The following SLC9A9 variants were observed in gnomAD, a reference collection of about 807,000 sequenced individuals.
SLC9A9 encodes the protein sodium/hydrogen exchanger 9.
SLC9A9 carries 62 observed loss-of-function variants against 77.8 expected under a neutral mutation model. The ratio of observed to expected loss-of-function variants is 0.80; its 90% CI spans 0.65 to 0.98. The LOEUF (loss-of-function observed/expected upper bound fraction) is 0.98. Among genes scored for constraint, SLC9A9 ranks in the 50% least tolerant of loss-of-function variants. The probability of loss-of-function intolerance (pLI) is 0.00; values close to 1 mark genes in which losing one functional copy is unlikely to be tolerated. For synonymous variants in SLC9A9, 320 were observed against 283.5 expected (o/e 1.13, Z -1.29); for missense variants, 775 against 774.9 (o/e 1.00, Z 0.00).
chr3:143,544,011 T>G (rs1173746257), intron 9 of SLC9A9, among the ~76,000 whole-genome samples: 1 of 151,446 alleles, frequency 6.6e-6, no homozygotes, highest in Non-Finnish European at 1.5e-5. Context: ...AGTGTATGAG[T>G]TCTCTTTTTC....
At chr3:143,618,669 C>T (rs2038148557) in intron 6 of SLC9A9, among the ~76,000 whole-genome samples, 1 of 152,160 alleles carries the variant, frequency 6.6e-6, no homozygotes, top group East Asian at 1.9e-4. Context: ...TCCTTGGATA[C>T]ACTACAGGGG....
chr3:143,552,303 G>T, intron 9 of SLC9A9, 59 bp downstream of exon 9: 2 of 1,245,782 alleles, frequency 1.6e-6, no homozygotes, highest in Non-Finnish European at 2.3e-6. Context: ...TGCCAGAATT[G>T]CTACATAACC....
chr3:143,491,132 G>A (rs996006039), intron 11 of SLC9A9, among the ~76,000 whole-genome samples: 2 of 152,158 alleles, frequency 1.3e-5, no homozygotes, highest in African/African-American at 2.4e-5. Flanking sequence ...AGATGATATG[G>A]ATGCTCAGTA....
chr3:143,808,501 A>G (rs1327152998), intron 2 of SLC9A9, among the ~76,000 whole-genome samples: 1 of 152,176 alleles, frequency 6.6e-6, no homozygotes, highest in Non-Finnish European at 1.5e-5. Context: ...TTGGCTTGTA[A>G]TTATCTTTTG....
chr3:143,441,326 G>A (rs11923840), intron 12 of SLC9A9, among the ~76,000 whole-genome samples: 5,631 of 152,300 alleles, frequency 0.037, 151 homozygotes, highest in Middle Eastern at 0.078. Flanking sequence ...ATGTGAAAAA[G>A]GGTGTGGAGC....
In SLC9A9 at chr3:143,478,748, C is replaced by T. The variant is rs1384695515; in HGVS notation, c.1316-11558G>A. Among the ~76,000 whole-genome samples, 3 of 152,204 alleles carry T rather than the reference C, an allele frequency of 2.0e-5. No individual in the cohort carries two copies. In the East Asian group the frequency reaches 5.8e-4, roughly 29 times the overall value. ...AGGGCAGAATTAGAGGGATTTGTGC[C>T]TGGCACAGATAGACTAATTTTTTGA... On this transcript the variant is annotated intron_variant, in intron 11 of 15. Coordinates refer to ENST00000316549, the MANE Select transcript of SLC9A9 (RefSeq NM_173653.4).
At chr3:143,395,705 G>A (rs11918108) in intron 12 of SLC9A9, among the ~76,000 whole-genome samples, 126,568 of 152,138 alleles carry the variant, frequency 0.83, 52,784 homozygotes, top group African/African-American at 0.86. Context: ...GTCATCTGAC[G>A]AAGGGCTAAT....
At chr3:143,498,066 T>C (rs1183289620) in intron 9 of SLC9A9, among the ~76,000 whole-genome samples, 1 of 152,238 alleles carries the variant, frequency 6.6e-6, no homozygotes, top group African/African-American at 2.4e-5. Flanking sequence ...TTCCTTTGAA[T>C]AACCTAGGAT....
chr3:143,448,526 T>C (rs2034886982), intron 12 of SLC9A9, among the ~76,000 whole-genome samples: 1 of 151,998 alleles, frequency 6.6e-6, no homozygotes, highest in Admixed American at 6.6e-5. Flanking sequence ...AGCATGCAAT[T>C]ATCATGGAGT....
chr3:143,266,076 G>T lies in SLC9A9; in HGVS notation c.*626C>A. 1 of 702,424 alleles carries T rather than the reference G, an allele frequency of 1.4e-6. No individual in the cohort carries two copies. The allele number at this position is 702,424 out of a possible 1,614,324, so 43.5% of individuals were successfully genotyped here. A position where few individuals can be genotyped will look rare whatever the true frequency, so the allele number is the denominator to read the frequency against. ...CCAGCCATAGGCAACCCCTTTGAGC[G>T]ATGGGAGAAGTAGCATAAGAAGGAT... On this transcript the variant is annotated 3_prime_UTR_variant, in exon 16 of 16. Coordinates refer to ENST00000316549, the MANE Select transcript of SLC9A9 (RefSeq NM_173653.4).
At chr3:143,577,165 C>G (rs1043738071) in intron 7 of SLC9A9, among the ~76,000 whole-genome samples, 2 of 152,104 alleles carry the variant, frequency 1.3e-5, no homozygotes, top group Non-Finnish European at 2.9e-5. Flanking sequence ...CCTTTGGCAG[C>G]TAATTGTGGA....
At chr3:143,812,788 C>T (rs2008903058) in intron 2 of SLC9A9, among the ~76,000 whole-genome samples, 1 of 152,178 alleles carries the variant, frequency 6.6e-6, no homozygotes, top group African/African-American at 2.4e-5. Flanking sequence ...GAAGTCAGAG[C>T]CATTAATGGC....
intron 2 of SLC9A9, among the ~76,000 whole-genome samples, chr3:143,819,174 T>C (rs1378446482): frequency 2.6e-5 from 4 of 152,124 alleles, no homozygotes; most frequent in Non-Finnish European, 1.5e-5. Context: ...GGGAGAACAA[T>C]GTAGAGAAAA....
At chr3:143,686,013 C>T (rs1034573778) in intron 5 of SLC9A9, among the ~76,000 whole-genome samples, 1 of 152,186 alleles carries the variant, frequency 6.6e-6, no homozygotes, top group African/African-American at 2.4e-5. Flanking sequence ...AGAAGTCCAG[C>T]TATGTGCTAG....
chr3:143,711,025 TTTGA>T (rs1377648580), intron 4 of SLC9A9, among the ~76,000 whole-genome samples: 2 of 152,244 alleles, frequency 1.3e-5, no homozygotes, highest in Non-Finnish European at 2.9e-5. Context: ...CTATTTACTC[TTTGA>T]TTGATGGTTT....
intron 11 of SLC9A9, among the ~76,000 whole-genome samples, chr3:143,475,301 T>C (rs1446791746): frequency 6.6e-6 from 1 of 151,398 alleles, no homozygotes; most frequent in African/African-American, 2.4e-5. Context: ...CCATCGGAAA[T>C]GATCTTGTTT....
intron 14 of SLC9A9, among the ~76,000 whole-genome samples, chr3:143,342,028 C>T (rs192408675): frequency 9.2e-5 from 14 of 152,222 alleles, no homozygotes; most frequent in South Asian, 4.1e-4. Flanking sequence ...ATGGGAATAC[C>T]GCATCACAGT....
chr3:143,741,296 G>A (rs1223494948), intron 4 of SLC9A9, among the ~76,000 whole-genome samples: 2 of 152,108 alleles, frequency 1.3e-5, no homozygotes, highest in Non-Finnish European at 2.9e-5. Context: ...ACCCCATTAT[G>A]TCAAAGGGGC....
chr3:143,736,013 T>C (rs527545694), intron 4 of SLC9A9, among the ~76,000 whole-genome samples: 3 of 152,378 alleles, frequency 2.0e-5, no homozygotes, highest in African/African-American at 4.8e-5. Flanking sequence ...TTATGGGTTA[T>C]GCAAACAACT....
Sources: allele counts gnomAD v4.1 joint callset (sites outside exome capture counted in the v4.1 genomes callset), GRCh38; gene constraint gnomAD v4.1.1; transcripts MANE v1.5; gene names NCBI Gene and HGNC (gene_info 2026-07-23, HGNC 2026-07-21).